RASA4: variants seen among roughly 807,000 people sequenced by gnomAD.
RASA4 encodes ras GTPase-activating protein 4.
Under a neutral mutation model 24.0 loss-of-function variants are expected in RASA4, and 5 were observed. The observed-to-expected ratio is 0.21, with a 90% CI of 0.11 to 0.44. The LOEUF (loss-of-function observed/expected upper bound fraction) is 0.44, where lower values mean the gene tolerates loss of function less well. RASA4 is among the 20% of genes least tolerant of loss of function. RASA4 has a pLI of 0.99. For missense variants in RASA4, 38 were observed against 293.0 expected (o/e 0.13, Z 6.35); for synonymous variants, 9 against 132.7 (o/e 0.07, Z 6.41).
chr7:102,612,368 A>ACTG, intron 1 of RASA4, among the ~76,000 whole-genome samples: 1 of 146,590 alleles, frequency 6.8e-6, no homozygotes, highest in Non-Finnish European at 1.5e-5. Context: ...GAATGAATGA[A>ACTG]CTGATGAGTG....
At chr7:102,614,070 C>T (rs1323461454) in intron 1 of RASA4, among the ~76,000 whole-genome samples, 1 of 148,612 alleles carries the variant, frequency 6.7e-6, no homozygotes, top group African/African-American at 2.5e-5. Context: ...GGTAAGCTCC[C>T]CGTCCTCAGA....
intron 2 of RASA4, among the ~76,000 whole-genome samples, chr7:102,610,741 A>G (rs1423071012): frequency 2.7e-5 from 4 of 148,862 alleles, no homozygotes; most frequent in African/African-American, 9.8e-5. Flanking sequence ...ATGATATCGT[A>G]TCTCGTTAAT....
chr7:102,591,965 C>T (rs1790021324), intron 16 of RASA4, among the ~76,000 whole-genome samples: 2 of 152,246 alleles, frequency 1.3e-5, no homozygotes, highest in African/African-American at 4.8e-5. Flanking sequence ...TCCCGAGTAG[C>T]TGGGACTACA....
intron 16 of RASA4, among the ~76,000 whole-genome samples, chr7:102,590,967 A>C (rs1443933229): frequency 6.8e-6 from 1 of 147,842 alleles, no homozygotes; most frequent in African/African-American, 2.6e-5. Context: ...ATGGGACCAG[A>C]ATTAAATAAT....
At chr7:102,599,574 C>T (rs1256128530) in intron 8 of RASA4, among the ~76,000 whole-genome samples, 1 of 131,480 alleles carries the variant, frequency 7.6e-6, no homozygotes, top group Non-Finnish European at 1.7e-5. Context: ...GAGGCGGAGC[C>T]TGCAGTGAGT....
At chr7:102,599,772 C>T (rs1280631423) in intron 8 of RASA4, 88 bp downstream of exon 8, 218 of 74,442 alleles carry the variant, frequency 2.9e-3, no homozygotes, top group African/African-American at 9.6e-3. Flanking sequence ...CCTGAGCAGC[C>T]CCCCTGCCCT....
chr7:102,590,894 C>T (rs62483023), intron 16 of RASA4, among the ~76,000 whole-genome samples: 18 of 141,988 alleles, frequency 1.3e-4, no homozygotes, highest in Middle Eastern at 3.8e-3. Context: ...GAGCCAAGAT[C>T]GCACCATTGC....
chr7:102,605,831 G>A, intron 5 of RASA4, 27 bp downstream of exon 5: 3 of 1,541,660 alleles, frequency 1.9e-6, no homozygotes, highest in Non-Finnish European at 2.6e-6. Flanking sequence ...GGGACCCACT[G>A]CCCGCCCCCA....
In RASA4 at chr7:102,595,691, G is replaced by C; in HGVS notation, c.949C>G (p.Gln317Glu). 1 of 1,127,244 alleles carries C rather than the reference G, an allele frequency of 8.9e-7. No individual in the cohort carries two copies. The allele number at this position is 1,127,244 out of a possible 1,614,324, so 69.8% of individuals were successfully genotyped here. A position where few individuals can be genotyped will look rare whatever the true frequency, so the allele number is the denominator to read the frequency against. The change falls in exon 10 of 21, where the codon CAG (glutamine) becomes GAG (glutamate). Residue 317 changes from glutamine to glutamate, a missense_variant. Gln to Glu is a conservative substitution (Grantham distance 29). Transcript: ENST00000262940. Reference sequence around the variant, plus strand: ...TCCAGGAAGTCCTTGGCCAGCCCCTGCCCCAGGAAGAGCTTGAGCAGGTTC... The same window carrying C: ...TCCAGGAAGTCCTTGGCCAGCCCCTCCCCCAGGAAGAGCTTGAGCAGGTTC... ...ATNLLKLFLG[Q>E]GLAKDFLDLL...
chr7:102,593,205 AC>A (rs1209102119), intron 14 of RASA4, 67 bp from the exon 15 acceptor site: 11 of 423,824 alleles, frequency 2.6e-5, no homozygotes, highest in African/African-American at 1.2e-4. Context: ...ACCCCCTCCC[AC>A]CCCCCCTCCC....
At chr7:102,597,649 C>G (rs1220062395) in intron 8 of RASA4, among the ~76,000 whole-genome samples, 1 of 139,632 alleles carries the variant, frequency 7.2e-6, no homozygotes, top group Non-Finnish European at 1.6e-5. Context: ...TGGTCTTGAA[C>G]TCCTGATCTC....
chr7:102,606,682 A>G (rs1320076299), intron 4 of RASA4, among the ~76,000 whole-genome samples: 1 of 103,272 alleles, frequency 9.7e-6, no homozygotes, highest in Non-Finnish European at 2.2e-5. Context: ...TCAAAAAAAA[A>G]AAAAAAAAGA....
At position 102,588,810 on chromosome 7, in the gene RASA4, GCACA is replaced by G. The variant is rs1562791637; in HGVS notation, c.1969-1044_1969-1041del. Among the ~76,000 whole-genome samples the G allele has an allele frequency of 0.025, 109 of 4,308 alleles. 37 individuals carry two copies. The East Asian group carries it at 0.51, about 20-fold the overall frequency. 2.8% of individuals were successfully genotyped at this position (4,308 alleles called of 152,430 possible). A position where few individuals can be genotyped will look rare whatever the true frequency, so the allele number is the denominator to read the frequency against. On this transcript the variant is annotated intron_variant, in intron 17 of 20. Transcript: ENST00000262940. ...CCCCCAAGTAGCTGGGACTACAGGC[GCACA>G]CCACCACACCCAGCTACTTTTTGTA... is the stretch of plus-strand genomic sequence containing the variant.
In RASA4 at chr7:102,595,367, C is replaced by T; in HGVS notation, c.1009G>A (p.Glu337Lys). ...LFQLELSRTS[E>K]TNTLFRSNSL... is the part of the protein sequence containing the mutation. ...TTGCTCCGGAACAGGGTGTTGGTCTCACCTACAAACAGAGGTCCCAGTGGG... is the reference window on the plus strand; with the variant it reads ...TTGCTCCGGAACAGGGTGTTGGTCTTACCTACAAACAGAGGTCCCAGTGGG... Residue 337 changes from glutamate to lysine, a missense_variant and splice_region_variant, in exon 11 of 21, where the codon GAG (glutamate) becomes AAG (lysine). Physicochemically the swap from Glu to Lys is moderately conservative, Grantham distance 56. Transcript: ENST00000262940. The T allele has an allele frequency of 6.9e-7, 1 of 1,456,266 alleles. No individual in the cohort carries two copies. The highest frequency in any genetic ancestry group is 1.9e-4 in the Middle Eastern group (1 of 5,304). 90.2% of individuals were successfully genotyped at this position (1,456,266 alleles called of 1,614,324 possible). A position where few individuals can be genotyped will look rare whatever the true frequency, so the allele number is the denominator to read the frequency against.
rs1321406899 is a variant in RASA4, at chr7:102,580,911, C to T, written c.*1860G>A. The T allele has an allele frequency of 1.5e-5, 2 of 131,716 alleles. No homozygotes were observed. Among genetic ancestry groups the T allele is most frequent in the African/African-American group, 5.2e-5 (2 of 38,630 alleles). 8.2% of individuals were successfully genotyped at this position (131,716 alleles called of 1,614,324 possible). A position where few individuals can be genotyped will look rare whatever the true frequency, so the allele number is the denominator to read the frequency against. Reference sequence around the variant, plus strand: ...GAAAATTGAATGTGATTTTAAACAACCTATTTGAGCTCTGAGGTAGATGTC... The same window carrying T: ...GAAAATTGAATGTGATTTTAAACAATCTATTTGAGCTCTGAGGTAGATGTC... On this transcript the variant is annotated 3_prime_UTR_variant, in exon 21 of 21. Transcript: ENST00000262940.
rs1355314363 is a variant in RASA4, at chr7:102,586,018, A to AT, written c.2104+1616dup. On this transcript the variant is annotated intron_variant, in intron 18 of 20. Transcript: ENST00000262940. ...AGGCCCACGCCGCCATGCCTGGCTA[A>AT]TTTTTTTTTTGTATTTTAGCAGAGA... Among the ~76,000 whole-genome samples the AT allele has an allele frequency of 2.0e-4, 24 of 120,898 alleles. No homozygotes were observed. The East Asian group carries it at 2.9e-3, about 14-fold the overall frequency. The allele number at this position is 120,898 out of a possible 152,430, so 79.3% of individuals were successfully genotyped here. A position where few individuals can be genotyped will look rare whatever the true frequency, so the allele number is the denominator to read the frequency against.
intron 5 of RASA4, among the ~76,000 whole-genome samples, 159 bp downstream of exon 5, chr7:102,605,699 C>G (rs1354386974): frequency 2.6e-5 from 4 of 152,290 alleles, no homozygotes; most frequent in African/African-American, 9.6e-5. Context: ...TGTGAGACGC[C>G]GTGCCTGGCG....
rs1254522828 is a variant in RASA4, at chr7:102,608,236, TGGGATTACA to T, written c.298+516_298+524del. ...CACCCGTCTCGGCCTCCCAAAGTGC[TGGGATTACA>T]GGTGTGAGCCACCGTGCCCGGCCTT... On this transcript the variant is annotated intron_variant, in intron 4 of 20. Transcript: ENST00000262940. Among the ~76,000 whole-genome samples, 289 of 90,320 alleles carry T rather than the reference TGGGATTACA, an allele frequency of 3.2e-3. 6 individuals are homozygous for T. Among genetic ancestry groups the T allele is most frequent in the African/African-American group, 4.6e-3 (117 of 25,538 alleles). The allele number at this position is 90,320 out of a possible 152,430, so 59.3% of individuals were successfully genotyped here. A position where few individuals can be genotyped will look rare whatever the true frequency, so the allele number is the denominator to read the frequency against.
chr7:102,596,351 A>C (rs1378342279), intron 8 of RASA4, among the ~76,000 whole-genome samples: 5,369 of 131,124 alleles, frequency 0.041, 42 homozygotes, highest in African/African-American at 0.11. Flanking sequence ...AGGCACCTCT[A>C]TCTGTCTTCG....
Sources: allele counts gnomAD v4.1 joint callset (sites outside exome capture counted in the v4.1 genomes callset), GRCh38; gene constraint gnomAD v4.1.1; transcripts MANE v1.5; gene names NCBI Gene and HGNC (gene_info 2026-07-23, HGNC 2026-07-21).